IL2RB: variants seen among roughly 807,000 people sequenced by gnomAD.
The protein encoded by IL2RB is interleukin 2 receptor subunit beta, also known as interleukin-2 receptor subunit beta.
Under a neutral mutation model 44.2 loss-of-function variants are expected in IL2RB, and 17 were observed. The ratio of observed to expected loss-of-function variants is 0.38; its 90% CI spans 0.26 to 0.58. The LOEUF is 0.58. Ranked by LOEUF, IL2RB falls within the 20% of genes least tolerant of loss-of-function variation. The probability of loss-of-function intolerance (pLI) is 0.63; values close to 1 mark genes in which losing one functional copy is unlikely to be tolerated. For synonymous variants in IL2RB, 286 were observed against 297.9 expected (o/e 0.96, Z 0.41); for missense variants, 624 against 685.5 (o/e 0.91, Z 1.00).
intron 1 of IL2RB, among the ~76,000 whole-genome samples, chr22:37,154,938 G>A (rs1569051242): frequency 6.6e-6 from 1 of 152,080 alleles, no homozygotes; most frequent in Non-Finnish European, 1.5e-5. Flanking sequence ...TGGGTAGAGG[G>A]GCTGGAGTCC....
At chr22:37,133,372 G>A (rs896502975) in intron 8 of IL2RB, among the ~76,000 whole-genome samples, 3 of 152,162 alleles carry the variant, frequency 2.0e-5, no homozygotes, top group Admixed American at 1.3e-4. Flanking sequence ...GAACACTGCC[G>A]AGAACCACTG....
chr22:37,170,091 T>C (rs141178739), intron 1 of IL2RB, among the ~76,000 whole-genome samples: 1 of 77,702 alleles, frequency 1.3e-5, no homozygotes, highest in Non-Finnish European at 2.2e-5. Flanking sequence ...GAAGGAAGAA[T>C]GGATGGATGG....
intron 1 of IL2RB, among the ~76,000 whole-genome samples, chr22:37,163,855 C>T (rs750943228): frequency 2.3e-4 from 35 of 152,372 alleles, no homozygotes; most frequent in Middle Eastern, 6.8e-3. Context: ...TTGTCACCCT[C>T]TTACTGGGCC....
At chr22:37,145,205 G>A (rs1343538505) in intron 1 of IL2RB, among the ~76,000 whole-genome samples, 1 of 152,192 alleles carries the variant, frequency 6.6e-6, no homozygotes, top group Non-Finnish European at 1.5e-5. Flanking sequence ...GGGAAACTGA[G>A]GCACAGAGGG....
intron 9 of IL2RB, among the ~76,000 whole-genome samples, chr22:37,129,463 C>T (rs1317764798): frequency 2.0e-5 from 3 of 150,852 alleles, no homozygotes; most frequent in Non-Finnish European, 4.4e-5. Context: ...CACCCCCACC[C>T]CCTCCGCCTC....
At position 37,136,216 on chromosome 22, in the gene IL2RB, GC is replaced by G; in HGVS notation, c.703+11del. ...GCCTGAGCCCCCTCTCACCCTTGCCGCCCACCAGTACCTGCAGGCTTTGTCC... is the reference window on the plus strand; with the variant it reads ...GCCTGAGCCCCCTCTCACCCTTGCCGCCACCAGTACCTGCAGGCTTTGTCC... On this transcript the variant is annotated intron_variant, in intron 7 of 9. Transcript: ENST00000216223. 1 of 1,603,752 alleles carries G rather than the reference GC, an allele frequency of 6.2e-7. No individual in the cohort carries two copies. The highest frequency in any genetic ancestry group is 8.5e-7 in the Non-Finnish European group (1 of 1,176,366).
At chr22:37,155,842 C>G (rs1343351884) in intron 1 of IL2RB, among the ~76,000 whole-genome samples, 1 of 152,228 alleles carries the variant, frequency 6.6e-6, no homozygotes, top group East Asian at 1.9e-4. Flanking sequence ...TGCGCTGCAT[C>G]TTCATGGGTC....
In IL2RB at chr22:37,128,691, G is replaced by T; in HGVS notation, c.1061C>A (p.Ser354Ter). The change falls in exon 10 of 10, where the codon TCG (serine) becomes TAG (stop). Residue 354 changes from serine (S) to a stop codon, truncating the protein, a stop_gained. Coordinates refer to ENST00000216223, the MANE Select transcript of IL2RB (RefSeq NM_000878.5). LOFTEE classifies it low-confidence loss of function (END_TRUNC). The surrounding 1 kb of genome is among the most constrained non-coding windows in gnomAD (Gnocchi z 4.5). ...CTGGTTGGTGAAGCAGCTGGTCAGC[G>T]AGTGGTTGCTGCTTAAGGATGCGGG... is the stretch of plus-strand genomic sequence containing the variant. ...PEPASLSSNH[S>*]LTSCFTNQGY... is the part of the protein sequence containing the mutation. 1 of 1,614,186 alleles carries T rather than the reference G, an allele frequency of 6.2e-7. No individual in the cohort carries two copies. Among genetic ancestry groups the T allele is most frequent in the Non-Finnish European group, 8.5e-7 (1 of 1,180,002 alleles).
intron 1 of IL2RB, among the ~76,000 whole-genome samples, chr22:37,173,071 C>T (rs1923342955): frequency 6.6e-6 from 1 of 152,192 alleles, no homozygotes; most frequent in Admixed American, 6.5e-5. Context: ...CTCCTTCCGG[C>T]CTCTGGGTCT....
intron 1 of IL2RB, among the ~76,000 whole-genome samples, chr22:37,167,965 GT>G (rs1601615132): frequency 1.3e-5 from 2 of 152,278 alleles, no homozygotes; most frequent in Admixed American, 1.3e-4. Context: ...CATGAGTTCA[GT>G]AAGGATTTAC....
rs1921904288 is a variant in IL2RB at position 37,140,321 on chromosome 22, TTATTATTAC to T, written c.283-1108_283-1100del. Among the ~76,000 whole-genome samples, 7 of 143,764 alleles carry T rather than the reference TTATTATTAC, an allele frequency of 4.9e-5. No homozygotes were observed. The South Asian group carries it at 1.3e-3, about 27-fold the overall frequency. The allele number at this position is 143,764 out of a possible 152,430, so 94.3% of individuals were successfully genotyped here. A position where few individuals can be genotyped will look rare whatever the true frequency, so the allele number is the denominator to read the frequency against. ...ATTATTATTATTATTATTATTATTA[TTATTATTAC>T]TATTATTGTTATAAAAATATTGCCA... On this transcript the variant is annotated intron_variant, in intron 4 of 9. Coordinates refer to ENST00000216223, the MANE Select transcript of IL2RB (RefSeq NM_000878.5).
intron 1 of IL2RB, among the ~76,000 whole-genome samples, chr22:37,158,254 G>A (rs948075707): frequency 6.6e-6 from 1 of 152,176 alleles, no homozygotes; most frequent in Admixed American, 6.5e-5. Flanking sequence ...GCTATGCCAA[G>A]ATAGGAAGGG....
intron 5 of IL2RB, among the ~76,000 whole-genome samples, chr22:37,138,321 T>C (rs563464985): frequency 6.6e-6 from 1 of 152,332 alleles, no homozygotes; most frequent in South Asian, 2.1e-4. Flanking sequence ...GCTGACTACA[T>C]GGTAAGCAGT....
intron 5 of IL2RB, 112 bp downstream of exon 5, chr22:37,139,005 G>A: frequency 1.4e-6 from 1 of 703,818 alleles, no homozygotes; most frequent in South Asian, 1.7e-5. Flanking sequence ...GTGATCAGAT[G>A]TGGGTGTGGA....
upstream of IL2RB, among the ~76,000 whole-genome samples, chr22:37,150,736 G>T (rs1348415293): frequency 6.7e-6 from 1 of 149,670 alleles, no homozygotes; most frequent in Non-Finnish European, 1.5e-5. Context: ...AACCCCCACT[G>T]CCCTTCCCAT....
At chr22:37,134,004 G>A (rs1032134464) in intron 8 of IL2RB, among the ~76,000 whole-genome samples, 5 of 151,978 alleles carry the variant, frequency 3.3e-5, no homozygotes, top group African/African-American at 1.2e-4. Flanking sequence ...CTTCCTCAGG[G>A]AAACCAGCCC....
chr22:37,134,890 C>A (rs982079122), intron 8 of IL2RB, among the ~76,000 whole-genome samples: 2 of 152,308 alleles, frequency 1.3e-5, no homozygotes, highest in East Asian at 1.9e-4. Context: ...GCATGCAGCT[C>A]GTACTCAGTG....
At chr22:37,129,113 A>G (rs1001907041) in intron 9 of IL2RB, among the ~76,000 whole-genome samples, 2 of 152,222 alleles carry the variant, frequency 1.3e-5, no homozygotes, top group African/African-American at 4.8e-5. Context: ...GTGCCCAGGA[A>G]TGTCTGATTG....
chr22:37,137,941 T>A (rs1921789970), intron 5 of IL2RB, among the ~76,000 whole-genome samples: 1 of 151,768 alleles, frequency 6.6e-6, no homozygotes, highest in South Asian at 2.1e-4. Flanking sequence ...CCACTCTGCA[T>A]CCCCCTTGCC....
Sources: allele counts gnomAD v4.1 joint callset (sites outside exome capture counted in the v4.1 genomes callset), GRCh38; gene constraint gnomAD v4.1.1; non-coding constraint Gnocchi (gnomAD v3.1); transcripts MANE v1.5; gene names NCBI Gene and HGNC (gene_info 2026-07-23, HGNC 2026-07-21).